Variants in MAPT observed in about 807,000 individuals in gnomAD.
The protein encoded by MAPT is microtubule associated protein tau.
MAPT carries 34 observed loss-of-function variants against 67.9 expected under a neutral mutation model. That is an observed-to-expected ratio of 0.50 (90% CI 0.38 to 0.67). The LOEUF is 0.67. MAPT is among the 30% of genes least tolerant of loss of function. MAPT has a pLI of 0.00. For synonymous variants in MAPT, 456 were observed against 464.5 expected, an observed-to-expected ratio of 0.98 and a Z score of 0.23; for missense variants, 881 against 1,115.2, an observed-to-expected ratio of 0.79 and a Z score of 2.99.
intron 6 of MAPT, among the ~76,000 whole-genome samples, chr17:45,989,045 G>A (rs527874613): frequency 7.9e-5 from 12 of 152,110 alleles, no homozygotes; most frequent in Admixed American, 2.0e-4. Flanking sequence ...TCCAACTTGG[G>A]GGGGGCACAC....
At chr17:45,938,810 A>AAT (rs2067592547) in intron 1 of MAPT, among the ~76,000 whole-genome samples, 2 of 118,106 alleles carry the variant, frequency 1.7e-5, no homozygotes, top group Non-Finnish European at 3.4e-5. Flanking sequence ...TGCCCAGCTA[A>AAT]TTTTTTTTTT....
At chr17:45,952,842 AC>A (rs1372390090) in intron 1 of MAPT, among the ~76,000 whole-genome samples, 2 of 152,208 alleles carry the variant, frequency 1.3e-5, no homozygotes, top group East Asian at 3.9e-4. Flanking sequence ...CTAGACCTGC[AC>A]CCTGACATCT....
chr17:45,955,458 G>A (rs1187911046), intron 1 of MAPT, among the ~76,000 whole-genome samples: 1 of 152,264 alleles, frequency 6.6e-6, no homozygotes, highest in Non-Finnish European at 1.5e-5. Context: ...CAAATTCACC[G>A]AGGGCACCTC....
At chr17:45,949,319 C>CG (rs1396994368) in intron 1 of MAPT, among the ~76,000 whole-genome samples, 2 of 152,230 alleles carry the variant, frequency 1.3e-5, no homozygotes, top group Admixed American at 6.5e-5. Context: ...ACTGGAAGCT[C>CG]GGTCCAGGTC....
intron 12 of MAPT, 88 bp from the exon 13 acceptor site, chr17:46,023,868 A>G (rs2076680664): frequency 9.1e-7 from 1 of 1,095,582 alleles, no homozygotes. Flanking sequence ...AGTCCCTGGC[A>G]CTCTGGGCCA....
chr17:45,996,582 C>T lies in MAPT; in HGVS notation c.1916C>T (p.Pro639Leu). ...SSAKSRLQTA[P>L]VPMPDLKNVK... The stretch of plus-strand genomic sequence containing the variant: ...GCCAAGAGCCGCCTGCAGACAGCCC[C>T]CGTGCCCATGCCAGACCTGAAGAAT... The change falls in exon 9 of 13, where the codon CCC becomes CTC. Residue 639 changes from proline to leucine, a missense_variant. Coordinates refer to ENST00000262410, the MANE Select transcript of MAPT (RefSeq NM_001377265.1). The surrounding 1 kb of genome is among the most constrained non-coding windows in gnomAD (Gnocchi z 4.5). 1 of 1,613,910 alleles carries T rather than the reference C, an allele frequency of 6.2e-7. No homozygotes were observed. Among genetic ancestry groups the T allele is most frequent in the Admixed American group, 1.7e-5 (1 of 60,020 alleles).
rs3744460 is a variant in MAPT, at chr17:46,010,263, C to T, written c.1999-47C>T. On this transcript the variant is annotated intron_variant, in intron 9 of 12. Coordinates refer to ENST00000262410, the MANE Select transcript of MAPT (RefSeq NM_001377265.1). This position sits in a 1 kb window ranked among gnomAD's most constrained non-coding sequence, Gnocchi z 4.7. ...GGAGGCGTCCTTGCGAGCAAGCAGG[C>T]GGGTCCAGGGTGGCGTGTCACTCAT... 1.1e-5 allele frequency: 14 copies of T among 1,310,412 alleles called. No individual in the cohort carries two copies. The highest frequency in any genetic ancestry group is 7.5e-5 in the East Asian group (3 of 39,950). 81.2% of individuals were successfully genotyped at this position (1,310,412 alleles called of 1,614,324 possible).
intron 7 of MAPT, among the ~76,000 whole-genome samples, chr17:45,991,258 G>A (rs1469571089): frequency 6.6e-6 from 1 of 152,174 alleles, no homozygotes; most frequent in Non-Finnish European, 1.5e-5. Flanking sequence ...CAGGGAACTT[G>A]GAGTTTGGGT....
In MAPT at chr17:45,983,693, G is replaced by A. The variant is rs956323258; in HGVS notation, c.1114G>A (p.Ala372Thr). The change falls in exon 5 of 13, where the codon GCC (alanine) becomes ACC (threonine). Residue 372 changes from alanine to threonine, a missense_variant. Physicochemically the swap from Ala to Thr is moderately conservative, Grantham distance 58. Around this residue, in one of 6 missense-constraint regions of MAPT, gnomAD observed 687 missense variants for 766.1 expected, o/e 0.90. Transcript: ENST00000262410. ...TGTAGGGCGGGCCAAAGGGCAGGAT[G>A]CCCCCCTGGAGTTCACGTTTCACGT... Reference protein sequence around the residue: ...PSVGRAKGQDAPLEFTFHVEI... With the variant: ...PSVGRAKGQDTPLEFTFHVEI... 2 of 1,614,080 alleles carry A rather than the reference G, an allele frequency of 1.2e-6. No homozygotes were observed.
chr17:45,992,157 A>T (rs1388497441), intron 8 of MAPT, among the ~76,000 whole-genome samples: 1 of 152,254 alleles, frequency 6.6e-6, no homozygotes, highest in Admixed American at 6.5e-5. Context: ...ATACAGAAAA[A>T]GGAAAAAAAA....
At chr17:45,907,306 T>C (rs62056810) in intron 1 of MAPT, among the ~76,000 whole-genome samples, 21,737 of 152,158 alleles carry the variant, frequency 0.14, 2,095 homozygotes, top group Middle Eastern at 0.22. Context: ...AGTGTCCATC[T>C]TCCCCGAAGC....
At chr17:46,023,578 G>T (rs1357925242) in intron 12 of MAPT, among the ~76,000 whole-genome samples, 2 of 152,232 alleles carry the variant, frequency 1.3e-5, no homozygotes, top group African/African-American at 4.8e-5. Flanking sequence ...AGTGGCTCAC[G>T]CCTGTAATGG....
chr17:46,011,869 T>C (rs1283645369), intron 10 of MAPT, among the ~76,000 whole-genome samples: 4 of 152,130 alleles, frequency 2.6e-5, no homozygotes, highest in African/African-American at 9.7e-5. Flanking sequence ...CTGAGGCCCC[T>C]TGAGTCCCAC....
rs374996228 is a variant in MAPT, at chr17:45,962,426, C to T, written c.89C>T (p.Thr30Ile). ...LGDRKDQGGY[T>I]MHQDQEGDTD... is the part of the protein sequence containing the mutation. The stretch of plus-strand genomic sequence containing the variant: ...GACAGGAAAGATCAGGGGGGCTACA[C>T]CATGCACCAAGACCAAGAGGGTGAC... Residue 30 changes from threonine (T) to isoleucine (I), a missense_variant, in exon 2 of 13, where the codon ACC (threonine) becomes ATC (isoleucine). Thr to Ile is a moderately conservative substitution (Grantham distance 89). Coordinates refer to ENST00000262410, the MANE Select transcript of MAPT (RefSeq NM_001377265.1). The T allele has an allele frequency of 4.2e-5, 68 of 1,612,670 alleles. No individual in the cohort carries two copies. The highest frequency in any genetic ancestry group is 2.0e-4 in the Middle Eastern group (1 of 5,122).
intron 1 of MAPT, among the ~76,000 whole-genome samples, chr17:45,936,006 C>A (rs535518136): frequency 6.6e-6 from 1 of 152,338 alleles, no homozygotes; most frequent in South Asian, 2.1e-4. Flanking sequence ...TCTCCACTCC[C>A]AAACCCAACC....
At chr17:45,991,386 G>A in intron 7 of MAPT, 74 bp from the exon 8 acceptor site, 3 of 1,595,384 alleles carry the variant, frequency 1.9e-6, no homozygotes, top group Non-Finnish European at 2.6e-6. Flanking sequence ...TGGCGGAGTG[G>A]GGCTGGTGTT....
chr17:45,927,037 A>T (rs2066408449), intron 1 of MAPT, among the ~76,000 whole-genome samples: 1 of 151,894 alleles, frequency 6.6e-6, no homozygotes, highest in African/African-American at 2.4e-5. Context: ...ATGTATTTTT[A>T]TATAATTATA....
At chr17:45,960,778 C>T (rs12603508) in intron 1 of MAPT, among the ~76,000 whole-genome samples, 3,735 of 151,036 alleles carry the variant, frequency 0.025, 227 homozygotes, top group East Asian at 0.2. Context: ...CATAGTGAGA[C>T]CCCCGTCCCC....
At chr17:45,967,295 G>T (rs1489269504) in intron 2 of MAPT, among the ~76,000 whole-genome samples, 1 of 152,156 alleles carries the variant, frequency 6.6e-6, no homozygotes, top group South Asian at 2.1e-4. Context: ...ACTTCCAAGG[G>T]ATTTAACAAG....
Sources: allele counts gnomAD v4.1 joint callset (sites outside exome capture counted in the v4.1 genomes callset), GRCh38; gene constraint gnomAD v4.1.1; regional missense constraint gnomAD v4.1.1; non-coding constraint Gnocchi (gnomAD v3.1); transcripts MANE v1.5; gene names NCBI Gene and HGNC (gene_info 2026-07-23, HGNC 2026-07-21).